The following CADM1 variants were observed in gnomAD, a reference collection of about 807,000 sequenced individuals.
CADM1 encodes the protein TSLC-1.
CADM1 carries 15 observed loss-of-function variants against 53.1 expected under a neutral mutation model. The observed-to-expected ratio is 0.28, with a 90% CI of 0.19 to 0.44. CADM1 has a LOEUF of 0.44. Ranked by LOEUF, CADM1 falls within the 20% of genes least tolerant of loss-of-function variation. The pLI is 1.00. For missense variants in CADM1, 434 were observed against 611.3 expected (o/e 0.71, Z 3.06); for synonymous variants, 281 against 243.0 (o/e 1.16, Z -1.45).
chr11:115,438,830 AT>A (rs1470948707), intron 1 of CADM1, among the ~76,000 whole-genome samples: 1 of 152,206 alleles, frequency 6.6e-6, no homozygotes, highest in Non-Finnish European at 1.5e-5. Flanking sequence ...ATCCTCAAAT[AT>A]ATCACTGCCT....
intron 1 of CADM1, among the ~76,000 whole-genome samples, chr11:115,332,003 T>C (rs886592659): frequency 3.9e-5 from 6 of 152,112 alleles, no homozygotes; most frequent in African/African-American, 1.4e-4. Flanking sequence ...TGAAATTTAC[T>C]AACAATGCCC....
At chr11:115,205,758 A>G (rs192650882) in intron 8 of CADM1, among the ~76,000 whole-genome samples, 1 of 152,338 alleles carries the variant, frequency 6.6e-6, no homozygotes, top group Admixed American at 6.5e-5. Context: ...AGGAAAGAAA[A>G]CAGACTCCAA....
intron 10 of CADM1, among the ~76,000 whole-genome samples, chr11:115,183,485 T>C (rs959512766): frequency 6.6e-6 from 1 of 152,036 alleles, no homozygotes; most frequent in African/African-American, 2.4e-5. Context: ...TCCTGGCAAA[T>C]AGGGACTTTG....
intron 1 of CADM1, among the ~76,000 whole-genome samples, chr11:115,433,951 GC>G (rs917413081): frequency 2.0e-5 from 3 of 152,100 alleles, no homozygotes; most frequent in African/African-American, 7.2e-5. Flanking sequence ...GTTTCAAATA[GC>G]CCCCTGAATT....
chr11:115,206,060 T>C (rs1457381304), intron 8 of CADM1, among the ~76,000 whole-genome samples: 3 of 152,190 alleles, frequency 2.0e-5, no homozygotes, highest in Non-Finnish European at 4.4e-5. Flanking sequence ...ACAGGACACT[T>C]ACATTAGCCT....
At chr11:115,375,828 C>A (rs1946423668) in intron 1 of CADM1, among the ~76,000 whole-genome samples, 1 of 152,050 alleles carries the variant, frequency 6.6e-6, no homozygotes, top group Non-Finnish European at 1.5e-5. Flanking sequence ...TATAATTTCT[C>A]TTAACAAGTC....
chr11:115,467,590 T>C (rs1948922948), intron 1 of CADM1, among the ~76,000 whole-genome samples: 1 of 152,160 alleles, frequency 6.6e-6, no homozygotes, highest in Non-Finnish European at 1.5e-5. Context: ...TAAATACACT[T>C]GAAAACAGGT....
At chr11:115,328,868 AAAG>A (rs1421408107) in intron 1 of CADM1, among the ~76,000 whole-genome samples, 10 of 147,658 alleles carry the variant, frequency 6.8e-5, no homozygotes, top group African/African-American at 2.2e-4. Flanking sequence ...ACAAGGAAAG[AAAG>A]AAGAACAGTT....
intron 1 of CADM1, among the ~76,000 whole-genome samples, chr11:115,250,280 T>A (rs1942560064): frequency 6.6e-6 from 1 of 152,202 alleles, no homozygotes; most frequent in Non-Finnish European, 1.5e-5. Context: ...GGAGATAACA[T>A]ATGTATTTCC....
At chr11:115,315,440 T>G (rs1291368782) in intron 1 of CADM1, among the ~76,000 whole-genome samples, 3 of 152,284 alleles carry the variant, frequency 2.0e-5, no homozygotes, top group African/African-American at 7.2e-5. Flanking sequence ...TTCCAGCTCC[T>G]GTCCAAACTA....
At chr11:115,361,680 C>CA (rs535922125) in intron 1 of CADM1, among the ~76,000 whole-genome samples, 160 of 152,128 alleles carry the variant, frequency 1.1e-3, no homozygotes, top group Admixed American at 1.4e-3. Flanking sequence ...ACAATACACC[C>CA]GTGCATGCCA....
intron 1 of CADM1, among the ~76,000 whole-genome samples, chr11:115,428,806 T>C (rs1307203259): frequency 2.0e-5 from 3 of 151,958 alleles, no homozygotes; most frequent in Non-Finnish European, 2.9e-5. Context: ...TGTACGTGTG[T>C]GCGCATATGA....
At chr11:115,286,916 C>G (rs1943743372) in intron 1 of CADM1, among the ~76,000 whole-genome samples, 1 of 152,178 alleles carries the variant, frequency 6.6e-6, no homozygotes, top group Admixed American at 6.5e-5. Context: ...AACCTTTCAG[C>G]AAAAGTACAT....
rs565338396 is a variant in CADM1 at position 115,383,246 on chromosome 11, C to T, written c.124+121025G>A. Among the ~76,000 whole-genome samples the T allele has an allele frequency of 2.0e-5, 3 of 152,226 alleles. No individual in the cohort carries two copies. The East Asian group carries it at 5.8e-4, about 29-fold the overall frequency. The stretch of plus-strand genomic sequence containing the variant: ...CAACTGAAGCTATGTTGAAAGGGAT[C>T]GAATGCTATCCATGCCCAGGAAGCG... On this transcript the variant is annotated intron_variant, in intron 1 of 11. Transcript: ENST00000331581.
At chr11:115,441,287 C>A (rs918481727) in intron 1 of CADM1, among the ~76,000 whole-genome samples, 7 of 152,046 alleles carry the variant, frequency 4.6e-5, no homozygotes, top group African/African-American at 1.7e-4. Context: ...TGATGGGACA[C>A]ACCAATGAAA....
chr11:115,190,170 T>A (rs1321587003), intron 10 of CADM1, among the ~76,000 whole-genome samples: 2 of 152,224 alleles, frequency 1.3e-5, no homozygotes, highest in East Asian at 3.8e-4. Flanking sequence ...CATAGCTGGT[T>A]GGCAGTTAAG....
intron 1 of CADM1, among the ~76,000 whole-genome samples, chr11:115,362,503 T>C (rs1055866437): frequency 6.6e-6 from 1 of 152,242 alleles, no homozygotes; most frequent in African/African-American, 2.4e-5. Context: ...TCAACAAAAA[T>C]AGTTTTAATT....
At chr11:115,319,896 C>G (rs1944775679) in intron 1 of CADM1, among the ~76,000 whole-genome samples, 1 of 152,016 alleles carries the variant, frequency 6.6e-6, no homozygotes, top group African/African-American at 2.4e-5. Context: ...TCCTAACAAC[C>G]CTAAAATTAT....
At chr11:115,479,637 T>C (rs1397609838) in intron 1 of CADM1, among the ~76,000 whole-genome samples, 1 of 152,142 alleles carries the variant, frequency 6.6e-6, no homozygotes, top group East Asian at 1.9e-4. Context: ...ACCATAACTG[T>C]CCTTTTATGT....
Sources: gnomAD v4.1 joint callset for allele counts (sites outside exome capture counted in the v4.1 genomes callset) on GRCh38, gnomAD v4.1.1 for gene constraint, MANE v1.5 for transcripts, NCBI Gene and HGNC (gene_info 2026-07-23, HGNC 2026-07-21) for gene names.